Variants in CSMD1 observed in about 807,000 individuals in gnomAD.
The protein encoded by CSMD1 is CUB and Sushi multiple domains 1, also known as CUB and sushi domain-containing protein 1.
A neutral mutation model predicts 417.5 loss-of-function variants in CSMD1; 213 were observed. That is an observed-to-expected ratio of 0.51 (90% confidence interval 0.46 to 0.57). The LOEUF (loss-of-function observed/expected upper bound fraction) is 0.57, where lower values mean the gene tolerates loss of function less well. Ranked by LOEUF, CSMD1 falls within the 20% of genes least tolerant of loss-of-function variation. The pLI is 0.00. For missense variants in CSMD1, 6,923 were observed against 4,529.7 expected (o/e 1.53, Z -15.17); for synonymous variants, 2,862 against 1,736.8 (o/e 1.65, Z -16.11).
chr8:4,418,109 C>A (rs1446184133), intron 3 of CSMD1, among the ~76,000 whole-genome samples: 1 of 151,704 alleles, frequency 6.6e-6, no homozygotes, highest in Non-Finnish European at 1.5e-5. Context: ...TTGGTTTAGC[C>A]AACAAAGCAC....
chr8:3,464,434 T>A (rs1354736544), intron 12 of CSMD1, among the ~76,000 whole-genome samples: 1 of 152,112 alleles, frequency 6.6e-6, no homozygotes, highest in Non-Finnish European at 1.5e-5. Flanking sequence ...TTCTGTGGAC[T>A]AACAATCAGT....
intron 26 of CSMD1, among the ~76,000 whole-genome samples, chr8:3,255,226 T>G (rs1189828229): frequency 6.6e-6 from 1 of 152,050 alleles, no homozygotes; most frequent in Non-Finnish European, 1.5e-5. Flanking sequence ...ACCATTCCTC[T>G]GGAAGTTTTT....
intron 35 of CSMD1, among the ~76,000 whole-genome samples, chr8:3,188,495 C>T (rs1363991831): frequency 6.6e-6 from 1 of 151,584 alleles, no homozygotes; most frequent in East Asian, 1.9e-4. Flanking sequence ...TTAGTAGAGA[C>T]AGGGTTTCAC....
chr8:4,776,100 C>T (rs546117973), intron 1 of CSMD1, among the ~76,000 whole-genome samples: 10 of 152,098 alleles, frequency 6.6e-5, no homozygotes, highest in East Asian at 5.8e-4. Flanking sequence ...AAGCAGGCAC[C>T]GGCCCAGATT....
At chr8:3,360,665 C>G (rs1297710793) in intron 20 of CSMD1, among the ~76,000 whole-genome samples, 1 of 152,198 alleles carries the variant, frequency 6.6e-6, no homozygotes, top group Non-Finnish European at 1.5e-5. Flanking sequence ...ATGAAGATCA[C>G]TCTTAGTTTA....
At chr8:3,987,439 T>G (rs769452242) in intron 5 of CSMD1, among the ~76,000 whole-genome samples, 4 of 152,200 alleles carry the variant, frequency 2.6e-5, no homozygotes, top group Non-Finnish European at 5.9e-5. Context: ...GGTACAGTGG[T>G]AGGTTTCTGA....
intron 23 of CSMD1, among the ~76,000 whole-genome samples, chr8:3,329,990 T>C (rs767749613): frequency 6.6e-6 from 1 of 152,194 alleles, no homozygotes; most frequent in Non-Finnish European, 1.5e-5. Flanking sequence ...CACACAGTCA[T>C]GAGAAGAAAT....
At chr8:3,750,161 T>A (rs1797262505) in intron 6 of CSMD1, among the ~76,000 whole-genome samples, 1 of 152,178 alleles carries the variant, frequency 6.6e-6, no homozygotes, top group Non-Finnish European at 1.5e-5. Flanking sequence ...TTCCAGATAA[T>A]CTGCAATCGT....
chr8:4,321,165 C>T lies in CSMD1; in HGVS notation c.415+98788G>A, dbSNP rs556279835. Reference sequence around the variant, plus strand: ...TCAAACCTATTTTTTATCCTGTCACCTCGCACAGTGATCAAAGTGTAGGGT... The same window carrying T: ...TCAAACCTATTTTTTATCCTGTCACTTCGCACAGTGATCAAAGTGTAGGGT... On this transcript the variant is annotated intron_variant, in intron 3 of 69. Transcript: ENST00000635120. 3.9e-5 allele frequency among the ~76,000 whole-genome samples: 6 copies of T among 151,908 alleles called. No homozygotes were observed. The South Asian group carries it at 8.3e-4, about 21-fold the overall frequency.
chr8:4,452,278 T>C (rs1295061721), intron 2 of CSMD1, among the ~76,000 whole-genome samples: 1 of 152,214 alleles, frequency 6.6e-6, no homozygotes, highest in Non-Finnish European at 1.5e-5. Flanking sequence ...CAAAGGAGGA[T>C]GACTTGTCTT....
intron 3 of CSMD1, among the ~76,000 whole-genome samples, chr8:4,362,329 A>C (rs762570528): frequency 3.3e-5 from 5 of 152,044 alleles, no homozygotes; most frequent in African/African-American, 4.8e-5. Flanking sequence ...TTGTAACTGA[A>C]CCTTGAGACC....
At chr8:4,681,450 G>C (rs1399262714) in intron 1 of CSMD1, among the ~76,000 whole-genome samples, 1 of 152,120 alleles carries the variant, frequency 6.6e-6, no homozygotes, top group Non-Finnish European at 1.5e-5. Context: ...CCAGTCACTG[G>C]ACTTTGGTGA....
intron 1 of CSMD1, among the ~76,000 whole-genome samples, chr8:4,639,253 T>TTTTC (rs1469938007): frequency 7.6e-6 from 1 of 132,424 alleles, no homozygotes; most frequent in East Asian, 2.4e-4. Flanking sequence ...GGTTGTCAAT[T>TTTTC]TTTTTTTTTT....
In CSMD1 at chr8:3,542,595, G is replaced by A. The variant is rs561464876; in HGVS notation, c.1344+32350C>T. ...GAAAGAGCGTACGTGCTGTGAGCAG[G>A]CCTGGCCTCCTTGAATTCTATGCTG... is the stretch of plus-strand genomic sequence containing the variant. On this transcript the variant is annotated intron_variant, in intron 10 of 69. Transcript: ENST00000635120. Among the ~76,000 whole-genome samples, 18 of 152,270 alleles carry A rather than the reference G, an allele frequency of 1.2e-4. No individual in the cohort carries two copies. In the South Asian group the frequency reaches 3.1e-3, roughly 26 times the overall value.
rs116552531 is a variant in CSMD1 at position 4,403,393 on chromosome 8, A to T, written c.415+16560T>A. On this transcript the variant is annotated intron_variant, in intron 3 of 69. Transcript: ENST00000635120. ...TGACCTCTCTAACTTCTCTCATCTA[A>T]TTCTCTTTTGAACCACAGAAGTAAG... 4.7e-3 allele frequency among the ~76,000 whole-genome samples: 717 copies of T among 152,144 alleles called. 5 individuals carry two copies. The highest frequency in any genetic ancestry group is 0.017 in the African/African-American group (694 of 41,496).
chr8:3,307,911 T>A, intron 24 of CSMD1, 90 bp from the exon 25 acceptor site: 1 of 1,376,188 alleles, frequency 7.3e-7, no homozygotes, highest in Non-Finnish European at 9.9e-7. Context: ...CCATTATGTC[T>A]GCATTATATA....
intron 3 of CSMD1, among the ~76,000 whole-genome samples, chr8:4,374,168 A>AT (rs1171241609): frequency 6.6e-6 from 1 of 152,040 alleles, no homozygotes; most frequent in Non-Finnish European, 1.5e-5. Flanking sequence ...CCCCTTTTAG[A>AT]TCCCCCCTCT....
intron 2 of CSMD1, among the ~76,000 whole-genome samples, chr8:4,554,403 C>A (rs1798001685): frequency 6.6e-6 from 1 of 152,158 alleles, no homozygotes; most frequent in Non-Finnish European, 1.5e-5. Flanking sequence ...TCCCAAAGTG[C>A]TACGATAACA....
At chr8:3,347,478 A>C (rs1014839312) in intron 22 of CSMD1, among the ~76,000 whole-genome samples, 1 of 152,218 alleles carries the variant, frequency 6.6e-6, no homozygotes, top group African/African-American at 2.4e-5. Context: ...TGATCTGACC[A>C]CTGTGGCTGG....
Sources: gnomAD v4.1 joint callset for allele counts (sites outside exome capture counted in the v4.1 genomes callset) on GRCh38, gnomAD v4.1.1 for gene constraint, MANE v1.5 for transcripts, NCBI Gene and HGNC (gene_info 2026-07-23, HGNC 2026-07-21) for gene names.